ANKHD1: variants seen among roughly 807,000 people sequenced by gnomAD.
The protein encoded by ANKHD1 is ankyrin repeat and KH domain containing 1, also known as ankyrin repeat and KH domain-containing protein 1.
In ANKHD1, 31 loss-of-function variants were observed where a neutral mutation model predicts 230.5. That is an observed-to-expected ratio of 0.13 (90% CI 0.10 to 0.18). ANKHD1 has a LOEUF of 0.18. Ranked by LOEUF, ANKHD1 falls within the 10% of genes least tolerant of loss-of-function variation. ANKHD1 has a pLI of 1.00. For missense variants in ANKHD1, 2,256 were observed against 3,071.3 expected, an observed-to-expected ratio of 0.73 and a Z score of 6.27; for synonymous variants, 1,074 against 1,117.6, an observed-to-expected ratio of 0.96 and a Z score of 0.78.
chr5:140,510,201 GA>G lies in ANKHD1; in HGVS notation c.4104+23del. 2 of 1,573,206 alleles carry G rather than the reference GA, an allele frequency of 1.3e-6. No homozygotes were observed. The highest frequency in any genetic ancestry group is 1.7e-6 in the Non-Finnish European group (2 of 1,153,390). On this transcript the variant is annotated intron_variant, in intron 22 of 33. Coordinates refer to ENST00000360839, the MANE Select transcript of ANKHD1 (RefSeq NM_017747.3). ...CGCAAGGTAATTTGATATGGGGGAAGAAAGGTCAATTTTAAGCCAATTCTAA... is the reference window on the plus strand; with the variant it reads ...CGCAAGGTAATTTGATATGGGGGAAGAAGGTCAATTTTAAGCCAATTCTAA...
chr5:140,485,397 A>AAAACACACACACACACAC lies in ANKHD1; in HGVS notation c.1998+150_1998+151insAACACACACACACACACA. The AAAACACACACACACACAC allele has an allele frequency of 1.5e-6, 1 of 664,316 alleles. No individual in the cohort carries two copies. The highest frequency in any genetic ancestry group is 2.3e-6 in the Non-Finnish European group (1 of 438,084). 41.2% of individuals were successfully genotyped at this position (664,316 alleles called of 1,614,324 possible). A position where few individuals can be genotyped will look rare whatever the true frequency, so the allele number is the denominator to read the frequency against. On this transcript the variant is annotated intron_variant, in intron 12 of 33. Coordinates refer to ENST00000360839, the MANE Select transcript of ANKHD1 (RefSeq NM_017747.3). The surrounding 1 kb of genome is among the most constrained non-coding windows in gnomAD (Gnocchi z 4.8). Reference sequence around the variant, plus strand: ...CATAAGGAGACCCCATCTCTATTAAAACACACACACACACACACACACACA... The same window carrying AAAACACACACACACACAC: ...CATAAGGAGACCCCATCTCTATTAAAAAACACACACACACACACACACACACACACACACACACACACA...
chr5:140,493,630 T>A (rs531697673), intron 14 of ANKHD1, among the ~76,000 whole-genome samples: 77 of 152,346 alleles, frequency 5.1e-4, no homozygotes, highest in Non-Finnish European at 9.8e-4. Flanking sequence ...TTATTCTTGA[T>A]GTTATAGCTT....
chr5:140,482,437 G>A, intron 10 of ANKHD1, 143 bp from the exon 11 acceptor site: 1 of 829,594 alleles, frequency 1.2e-6, no homozygotes, highest in Non-Finnish European at 1.7e-6. Flanking sequence ...TGTATAATGG[G>A]GGAATTGAGG....
At chr5:140,438,411 CT>C (rs61553358) in intron 2 of ANKHD1, 49 bp from the exon 3 acceptor site, 5,839 of 1,215,352 alleles carry the variant, frequency 4.8e-3, no homozygotes, top group South Asian at 0.018. Context: ...CACTTTTATA[CT>C]TTTTTTTTTG....
At chr5:140,496,443 C>CTTTT in intron 14 of ANKHD1, 77 bp from the exon 15 acceptor site, 1 of 718,956 alleles carries the variant, frequency 1.4e-6, no homozygotes, top group Non-Finnish European at 1.8e-6. Flanking sequence ...GGCTGGTTTT[C>CTTTT]TTTTTTTTTT....
At chr5:140,425,630 A>G (rs1772347585) in intron 1 of ANKHD1, among the ~76,000 whole-genome samples, 2 of 152,198 alleles carry the variant, frequency 1.3e-5, no homozygotes, top group Non-Finnish European at 2.9e-5. Context: ...CATTGTAGAA[A>G]GAACCTTGAA....
At chr5:140,462,146 C>G (rs1775745125) in intron 9 of ANKHD1, among the ~76,000 whole-genome samples, 1 of 151,078 alleles carries the variant, frequency 6.6e-6, no homozygotes, top group Non-Finnish European at 1.5e-5. Flanking sequence ...GATCTAGAGA[C>G]TTTATTGTAT....
At chr5:140,445,654 T>A in intron 5 of ANKHD1, 88 bp from the exon 6 acceptor site, 1 of 1,192,742 alleles carries the variant, frequency 8.4e-7, no homozygotes, top group Non-Finnish European at 1.1e-6. Flanking sequence ...CTGTCATGAT[T>A]GTATATTTCT....
chr5:140,419,728 TTC>T (rs2126868640), intron 1 of ANKHD1, among the ~76,000 whole-genome samples: 2 of 151,802 alleles, frequency 1.3e-5, no homozygotes, highest in South Asian at 4.2e-4. Context: ...TGTCTTTTCT[TTC>T]TTTCTCTCTC....
At chr5:140,463,375 T>C (rs557959783) in intron 9 of ANKHD1, among the ~76,000 whole-genome samples, 1 of 152,268 alleles carries the variant, frequency 6.6e-6, no homozygotes, top group South Asian at 2.1e-4. Flanking sequence ...TGTTCCAGGC[T>C]CATCTTGTAC....
chr5:140,412,073 A>G (rs948684341), intron 1 of ANKHD1, among the ~76,000 whole-genome samples: 7 of 151,086 alleles, frequency 4.6e-5, no homozygotes, highest in Non-Finnish European at 7.4e-5. Context: ...ACACAGTCTT[A>G]GTTGCCCAGG....
intron 10 of ANKHD1, among the ~76,000 whole-genome samples, chr5:140,465,701 A>G (rs1021412744): frequency 6.6e-6 from 1 of 152,238 alleles, no homozygotes; most frequent in South Asian, 2.1e-4. Context: ...ATAAATGTGT[A>G]GTATGATTGT....
rs557072130 is a variant in ANKHD1, at chr5:140,402,041, C to T, written c.74C>T (p.Pro25Leu). ...DLDSVAPRSA[P>L]AGASEPPPPG... ...GACTCTGTGGCTCCGCGATCCGCCC[C>T]AGCTGGGGCCTCGGAGCCGCCTCCG... is the stretch of plus-strand genomic sequence containing the variant. Residue 25 changes from proline (P) to leucine (L), a missense_variant, in exon 1 of 34, where the codon CCA (proline) becomes CTA (leucine). By Grantham distance (98) the Pro-to-Leu change is moderately conservative. Around this residue, in one of 13 missense-constraint regions of ANKHD1, gnomAD observed 193 missense variants for 185.8 expected, o/e 1.04. Transcript: ENST00000360839. The T allele has an allele frequency of 3.3e-5, 50 of 1,495,948 alleles. No homozygotes were observed. The East Asian group carries it at 1.2e-3, about 36-fold the overall frequency. 92.7% of individuals were successfully genotyped at this position (1,495,948 alleles called of 1,614,324 possible).
chr5:140,507,684 T>TAGAAACCTCTCTTTTTAG lies in ANKHD1; in HGVS notation c.3552-100_3552-83dup. 1 of 1,362,246 alleles carries TAGAAACCTCTCTTTTTAG rather than the reference T, an allele frequency of 7.3e-7. No homozygotes were observed. Among genetic ancestry groups the TAGAAACCTCTCTTTTTAG allele is most frequent in the Non-Finnish European group, 1.0e-6 (1 of 1,003,212 alleles). 84.4% of individuals were successfully genotyped at this position (1,362,246 alleles called of 1,614,324 possible). A position where few individuals can be genotyped will look rare whatever the true frequency, so the allele number is the denominator to read the frequency against. On this transcript the variant is annotated intron_variant, in intron 19 of 33. Coordinates refer to ENST00000360839, the MANE Select transcript of ANKHD1 (RefSeq NM_017747.3). This position sits in a 1 kb window ranked among gnomAD's most constrained non-coding sequence, Gnocchi z 4.1. ...ACAAGTAAAATCTATTCATTGATGT[T>TAGAAACCTCTCTTTTTAG]AGAAACCTCTCTTTTTAGTGAAACC...
At chr5:140,464,519 A>C (rs1283945147) in intron 9 of ANKHD1, 148 bp from the exon 10 acceptor site, 1 of 589,588 alleles carries the variant, frequency 1.7e-6, no homozygotes, top group Admixed American at 3.9e-5. Context: ...TATTTTTATA[A>C]AGCATATTTA....
At chr5:140,517,240 C>G (rs1449746344) in intron 24 of ANKHD1, among the ~76,000 whole-genome samples, 1 of 131,698 alleles carries the variant, frequency 7.6e-6, no homozygotes, top group Non-Finnish European at 1.6e-5. Flanking sequence ...GAAGAGCTAA[C>G]TATCCTAAAT....
intron 30 of ANKHD1, 121 bp downstream of exon 30, chr5:140,535,659 T>G: frequency 7.8e-7 from 1 of 1,278,084 alleles, no homozygotes; most frequent in Non-Finnish European, 1.0e-6. Context: ...GCCCAAGGTT[T>G]GTTCTGTGGT....
chr5:140,528,152 T>C, intron 28 of ANKHD1, 32 bp from the exon 29 acceptor site: 1 of 1,550,570 alleles, frequency 6.4e-7, no homozygotes. Context: ...TTAATGTTTT[T>C]GGTCTTGTTT....
rs970488841 is a variant in ANKHD1, at chr5:140,485,006, T to C, written c.1871-115T>C. On this transcript the variant is annotated intron_variant, in intron 11 of 33. Transcript: ENST00000360839. This position sits in a 1 kb window ranked among gnomAD's most constrained non-coding sequence, Gnocchi z 4.8. ...AAAATTCAAACTATACACTTAATGA[T>C]TTGTATATTTTTTTGTATCTACATT... 1.6e-5 allele frequency: 22 copies of C among 1,390,042 alleles called. No individual in the cohort carries two copies. Among genetic ancestry groups the C allele is most frequent in the Non-Finnish European group, 1.9e-5 (20 of 1,062,022 alleles). The allele number at this position is 1,390,042 out of a possible 1,614,324, so 86.1% of individuals were successfully genotyped here. A position where few individuals can be genotyped will look rare whatever the true frequency, so the allele number is the denominator to read the frequency against.
Sources: allele counts gnomAD v4.1 joint callset (sites outside exome capture counted in the v4.1 genomes callset), GRCh38; gene constraint gnomAD v4.1.1; regional missense constraint gnomAD v4.1.1; non-coding constraint Gnocchi (gnomAD v3.1); transcripts MANE v1.5; gene names NCBI Gene and HGNC (gene_info 2026-07-23, HGNC 2026-07-21).